The following CHN1 variants were observed in gnomAD, a reference collection of about 807,000 sequenced individuals.
CHN1 encodes the protein chimerin 1.
In CHN1, 37 loss-of-function variants were observed where a neutral mutation model predicts 59.5. The observed-to-expected ratio is 0.62, with a 90% confidence interval of 0.48 to 0.82. CHN1 has a LOEUF of 0.82. Among genes scored for constraint, CHN1 ranks in the 40% least tolerant of loss-of-function variants. The pLI is 0.00. For synonymous variants in CHN1, 206 were observed against 200.4 expected, an observed-to-expected ratio of 1.03 and a Z score of -0.24; for missense variants, 469 against 571.0, an observed-to-expected ratio of 0.82 and a Z score of 1.82.
chr2:174,954,431 AAGATAAAT>A (rs1387681949), intron 1 of CHN1, among the ~76,000 whole-genome samples: 1 of 152,238 alleles, frequency 6.6e-6, no homozygotes, highest in Non-Finnish European at 1.5e-5. Flanking sequence ...AACAAAAGCA[AAGATAAAT>A]AGATGGAACT....
At chr2:175,001,559 A>G (rs1691888983) in intron 1 of CHN1, among the ~76,000 whole-genome samples, 1 of 152,214 alleles carries the variant, frequency 6.6e-6, no homozygotes, top group Non-Finnish European at 1.5e-5. Flanking sequence ...CATAAGCATT[A>G]TTAGAAGTGA....
At position 174,965,116 on chromosome 2, in the gene CHN1, C is replaced by T. The variant is rs185361526; in HGVS notation, c.20-12914G>A. ...GGAGATACTCAAAAGTATTCATTTA[C>T]TGACTGATAGGATTAAATTTACTTA... On this transcript the variant is annotated intron_variant, in intron 1 of 12. Transcript: ENST00000409900. Among the ~76,000 whole-genome samples the T allele has an allele frequency of 2.5e-3, 387 of 152,156 alleles. 1 individual carries two copies. The highest frequency in any genetic ancestry group is 4.3e-3 in the Non-Finnish European group (289 of 67,954).
chr2:174,848,600 T>C (rs1686622090), intron 6 of CHN1, among the ~76,000 whole-genome samples: 1 of 152,318 alleles, frequency 6.6e-6, no homozygotes, highest in East Asian at 1.9e-4. Flanking sequence ...TAATCTCAGA[T>C]TTCATAATCT....
chr2:174,989,922 G>A (rs192396760), intron 1 of CHN1, among the ~76,000 whole-genome samples: 1 of 151,880 alleles, frequency 6.6e-6, no homozygotes, highest in East Asian at 1.9e-4. Flanking sequence ...TCTTCCCCTG[G>A]TACAAACAGA....
intron 1 of CHN1, among the ~76,000 whole-genome samples, chr2:174,969,434 A>G (rs577526260): frequency 1.1e-4 from 16 of 152,318 alleles, no homozygotes; most frequent in Middle Eastern, 3.4e-3. Flanking sequence ...ACACTGACCT[A>G]CAAGACCTTG....
chr2:174,846,831 AT>A (rs1686533424), intron 7 of CHN1, 48 bp downstream of exon 7: 1 of 1,427,684 alleles, frequency 7.0e-7, no homozygotes, highest in Non-Finnish European at 9.5e-7. Flanking sequence ...AATATTATAT[AT>A]TTCAAGTAAT....
chr2:174,970,390 T>C (rs1207782930), intron 1 of CHN1, among the ~76,000 whole-genome samples: 1 of 152,198 alleles, frequency 6.6e-6, no homozygotes, highest in Admixed American at 6.5e-5. Flanking sequence ...CAAAGTAAGC[T>C]TGCGACTCCA....
At chr2:174,816,203 G>T (rs181856806) in intron 8 of CHN1, among the ~76,000 whole-genome samples, 30 of 152,338 alleles carry the variant, frequency 2.0e-4, no homozygotes, top group Non-Finnish European at 3.4e-4. Context: ...GGGCTGAGAG[G>T]TTGCTGCTTC....
chr2:174,815,958 C>T (rs147532413), intron 8 of CHN1, among the ~76,000 whole-genome samples: 8 of 152,070 alleles, frequency 5.3e-5, no homozygotes, highest in East Asian at 1.9e-4. Context: ...GTGCCTGCCC[C>T]ACTTGTATAT....
At chr2:174,857,084 C>T (rs1686923574) in intron 6 of CHN1, among the ~76,000 whole-genome samples, 2 of 152,040 alleles carry the variant, frequency 1.3e-5, no homozygotes. Context: ...AAAGTAGTGA[C>T]CAACATGCTC....
intron 11 of CHN1, among the ~76,000 whole-genome samples, chr2:174,803,105 A>C (rs564429230): frequency 9.1e-4 from 138 of 152,226 alleles, no homozygotes; most frequent in African/African-American, 3.3e-3. Context: ...CTGAGTCCTA[A>C]TCAGGGTGGT....
chr2:174,897,422 C>T (rs551611401), intron 5 of CHN1, among the ~76,000 whole-genome samples: 1 of 147,268 alleles, frequency 6.8e-6, no homozygotes, highest in African/African-American at 2.6e-5. Flanking sequence ...TCTCTGTGTG[C>T]TTGTGTGTGT....
intron 5 of CHN1, among the ~76,000 whole-genome samples, chr2:174,885,576 C>A (rs1266264523): frequency 1.3e-5 from 2 of 151,972 alleles, no homozygotes. Context: ...CTCACTGCAA[C>A]CTCCACCTCC....
chr2:174,970,228 A>ATGGT (rs1690718734), intron 1 of CHN1, among the ~76,000 whole-genome samples: 1 of 152,226 alleles, frequency 6.6e-6, no homozygotes, highest in African/African-American at 2.4e-5. Flanking sequence ...ACCAAGTATG[A>ATGGT]TGGTTGTCTT....
chr2:174,827,433 C>T (rs1341926250), intron 7 of CHN1, among the ~76,000 whole-genome samples: 1 of 152,090 alleles, frequency 6.6e-6, no homozygotes, highest in South Asian at 2.1e-4. Flanking sequence ...ATCAAAGACA[C>T]GAGGCATGAG....
intron 6 of CHN1, among the ~76,000 whole-genome samples, chr2:174,856,157 T>C (rs914714142): frequency 3.3e-5 from 5 of 152,114 alleles, no homozygotes; most frequent in Admixed American, 2.0e-4. Context: ...AGTCTAACAT[T>C]AGAGACTTCT....
chr2:174,953,942 T>C (rs961974723), intron 1 of CHN1, among the ~76,000 whole-genome samples: 52 of 151,930 alleles, frequency 3.4e-4, no homozygotes, highest in African/African-American at 9.2e-4. Context: ...GAAAACACAA[T>C]CCTAAAATTC....
chr2:174,846,564 A>T, intron 7 of CHN1: 1 of 1,151,482 alleles, frequency 8.7e-7, no homozygotes, highest in Non-Finnish European at 1.2e-6. Flanking sequence ...ATTCAGACAC[A>T]TTTGTATCAC....
At chr2:174,975,642 A>C (rs1302585836) in intron 1 of CHN1, among the ~76,000 whole-genome samples, 1 of 148,824 alleles carries the variant, frequency 6.7e-6, no homozygotes. Context: ...CCAGGCAAAA[A>C]AAACAAAACA....
Sources: allele counts gnomAD v4.1 joint callset (sites outside exome capture counted in the v4.1 genomes callset), GRCh38; gene constraint gnomAD v4.1.1; transcripts MANE v1.5; gene names NCBI Gene and HGNC (gene_info 2026-07-23, HGNC 2026-07-21).